The following MED12L variants were observed in gnomAD, a reference collection of about 807,000 sequenced individuals.
The protein encoded by MED12L is mediator complex subunit 12L, also known as mediator of RNA polymerase II transcription subunit 12-like protein.
A neutral mutation model predicts 281.3 loss-of-function variants in MED12L; 60 were observed. The observed-to-expected ratio is 0.21, with a 90% CI of 0.17 to 0.26. The LOEUF (loss-of-function observed/expected upper bound fraction) is 0.26, where lower values mean the gene tolerates loss of function less well. MED12L is among the 10% of genes least tolerant of loss of function. The pLI is 1.00. For missense variants in MED12L, 2,146 were observed against 2,680.9 expected (o/e 0.80, Z 4.41); for synonymous variants, 974 against 987.2 (o/e 0.99, Z 0.25).
At chr3:151,178,823 T>A (rs1168142019) in intron 11 of MED12L, among the ~76,000 whole-genome samples, 1 of 152,228 alleles carries the variant, frequency 6.6e-6, no homozygotes, top group South Asian at 2.1e-4. Context: ...TACTACTACC[T>A]GTAAATTTGG....
intron 2 of MED12L, among the ~76,000 whole-genome samples, chr3:151,113,079 A>T (rs981478051): frequency 6.6e-6 from 1 of 152,226 alleles, no homozygotes; most frequent in African/African-American, 2.4e-5. Flanking sequence ...TAGGTGATAA[A>T]TGCTATGGAT....
At position 151,140,321 on chromosome 3, in the gene MED12L, T is replaced by A. The variant is rs1477028710; in HGVS notation, c.556+12337T>A. On this transcript the variant is annotated intron_variant, in intron 5 of 44. Transcript: ENST00000687756. ...AAGTGTATGGTACAGCAGTATTAAC[T>A]CAATGCACATTGTTGTACAACTGAT... 3.3e-5 allele frequency among the ~76,000 whole-genome samples: 5 copies of A among 152,222 alleles called. No homozygotes were observed. The South Asian group carries it at 1.0e-3, about 32-fold the overall frequency.
chr3:151,413,621 A>AT (rs1409815344), intron 42 of MED12L, among the ~76,000 whole-genome samples: 3 of 152,260 alleles, frequency 2.0e-5, no homozygotes, highest in Admixed American at 6.5e-5. Flanking sequence ...AGCCATGCAA[A>AT]TTTTTTAAAA....
intron 35 of MED12L, 106 bp from the exon 36 acceptor site, chr3:151,384,924 A>G: frequency 9.5e-6 from 7 of 740,638 alleles, no homozygotes; most frequent in Non-Finnish European, 1.7e-5. Flanking sequence ...GCGCTAAGCT[A>G]TAAAAAGGGA....
At chr3:151,120,653 C>A (rs891526334) in intron 3 of MED12L, among the ~76,000 whole-genome samples, 1 of 152,106 alleles carries the variant, frequency 6.6e-6, no homozygotes, top group East Asian at 1.9e-4. Flanking sequence ...GTTTACTCAC[C>A]TGTATCCACA....
At chr3:151,234,855 T>C (rs1167638383) in intron 16 of MED12L, among the ~76,000 whole-genome samples, 1 of 152,212 alleles carries the variant, frequency 6.6e-6, no homozygotes, top group African/African-American at 2.4e-5. Flanking sequence ...ATCACTCTCC[T>C]GGTGGGTAGC....
intron 36 of MED12L, among the ~76,000 whole-genome samples, chr3:151,386,810 G>A (rs13078334): frequency 0.01 from 1,543 of 151,814 alleles, 8 homozygotes; most frequent in Non-Finnish European, 0.014. Context: ...TCCTGACCTC[G>A]TGATCCACCT....
rs1251284173 is a variant in MED12L, at chr3:151,360,671, A to G, written c.2957+66A>G. The G allele has an allele frequency of 4.2e-6, 6 of 1,415,946 alleles. No homozygotes were observed. The African/African-American group carries it at 4.3e-5, about 10-fold the overall frequency. The allele number at this position is 1,415,946 out of a possible 1,614,324, so 87.7% of individuals were successfully genotyped here. ...CCTATGTTTGTTAGTGACCCTGACA[A>G]TATTGTCATCCTTTTGAATAATGAA... On this transcript the variant is annotated intron_variant, in intron 21 of 44. Coordinates refer to ENST00000687756, the MANE Select transcript of MED12L (RefSeq NM_001393769.1).
rs1181900132 is a variant in MED12L at position 151,122,809 on chromosome 3, A to G, written c.231A>G (p.Leu77=). Residue 77 remains leucine (L), a synonymous_variant, in exon 4 of 45, where the codon TTA becomes TTG. Coordinates refer to ENST00000687756, the MANE Select transcript of MED12L (RefSeq NM_001393769.1). ...TTGGAGCTTATTTTAGCAGCATATT[A>G]GCTGAGAAACTGAAGCTTAACACTT... is the stretch of plus-strand genomic sequence containing the variant. ...SKIGAYFSSI[L]AEKLKLNTFQ... 8 of 1,606,292 alleles carry G rather than the reference A, an allele frequency of 5.0e-6. No homozygotes were observed. The highest frequency in any genetic ancestry group is 5.9e-6 in the Non-Finnish European group (7 of 1,176,870).
chr3:151,134,159 A>C (rs1352907860), intron 5 of MED12L, among the ~76,000 whole-genome samples: 2 of 150,740 alleles, frequency 1.3e-5, no homozygotes, highest in African/African-American at 4.9e-5. Context: ...CAGCCATGGG[A>C]ATGCCCCATC....
At chr3:151,153,649 A>C (rs9850762) in intron 5 of MED12L, among the ~76,000 whole-genome samples, 2 of 140,426 alleles carry the variant, frequency 1.4e-5, no homozygotes, top group African/African-American at 5.5e-5. Context: ...GCTCACTGCA[A>C]CCTCTGCCTC....
At chr3:151,422,430 C>T (rs563171776) in intron 43 of MED12L, among the ~76,000 whole-genome samples, 1 of 152,320 alleles carries the variant, frequency 6.6e-6, no homozygotes, top group East Asian at 1.9e-4. Flanking sequence ...TGGTGGCTCG[C>T]TGGGACTCTT....
chr3:151,205,186 A>G (rs536195337), intron 16 of MED12L, among the ~76,000 whole-genome samples: 28 of 152,320 alleles, frequency 1.8e-4, no homozygotes, highest in African/African-American at 6.5e-4. Context: ...TTGTGACTGT[A>G]CTTAGTGTTC....
In MED12L at chr3:151,269,092, A is replaced by G. The variant is rs146671952; in HGVS notation, c.2250+75426A>G. Among the ~76,000 whole-genome samples, 10 of 152,234 alleles carry G rather than the reference A, an allele frequency of 6.6e-5. No homozygotes were observed. The East Asian group carries it at 1.9e-3, about 29-fold the overall frequency. On this transcript the variant is annotated intron_variant, in intron 16 of 44. Transcript: ENST00000687756. ...AGGGAGAAAAAGAACAGAAAGAAGC[A>G]ATTGAATATATTGACGACGTACAAA...
At chr3:151,267,942 TGC>T (rs759386033) in intron 16 of MED12L, among the ~76,000 whole-genome samples, 14 of 152,306 alleles carry the variant, frequency 9.2e-5, no homozygotes, top group Non-Finnish European at 1.8e-4. Context: ...ACTTAAGAAA[TGC>T]GCTATTATCC....
intron 16 of MED12L, among the ~76,000 whole-genome samples, chr3:151,255,557 A>G (rs1234606990): frequency 6.6e-6 from 1 of 152,120 alleles, no homozygotes. Context: ...CTTTTCAGAC[A>G]TCTCTAACTG....
Position 151,122,824 on chromosome 3 carries a change from G to A in MED12L, c.246G>A (p.Lys82=), listed in dbSNP as rs373185203. The A allele has an allele frequency of 6.2e-7, 1 of 1,610,248 alleles. No homozygotes were observed. Among genetic ancestry groups the A allele is most frequent in the Non-Finnish European group, 8.5e-7 (1 of 1,178,400 alleles). ...YFSSILAEKL[K]LNTFQDTGKK... ...GCAGCATATTAGCTGAGAAACTGAA[G>A]CTTAACACTTTCCAGGACACGGGAA... The change falls in exon 4 of 45, where the codon AAG becomes AAA. Residue 82 remains lysine, a synonymous_variant. Transcript: ENST00000687756.
At chr3:151,294,221 T>G (rs957781655) in intron 16 of MED12L, 1 of 1,613,418 alleles carries the variant, frequency 6.2e-7, no homozygotes, top group Non-Finnish European at 8.5e-7. Flanking sequence ...TCTCACACTT[T>G]GCAGTGATCT....
rs1208854176 is a variant in MED12L at position 151,121,758 on chromosome 3, C to T, written c.205-1025C>T. 3.9e-5 allele frequency among the ~76,000 whole-genome samples: 6 copies of T among 152,092 alleles called. No homozygotes were observed. In the South Asian group the frequency reaches 1.2e-3, roughly 32 times the overall value. On this transcript the variant is annotated intron_variant, in intron 3 of 44. Coordinates refer to ENST00000687756, the MANE Select transcript of MED12L (RefSeq NM_001393769.1). ...TGAGATGGAGTCTCACTCTGTCATC[C>T]AGGCTGGAGTGCAGTGGTGTGATCT...
Sources: gnomAD v4.1 joint callset for allele counts (sites outside exome capture counted in the v4.1 genomes callset) on GRCh38, gnomAD v4.1.1 for gene constraint, MANE v1.5 for transcripts, NCBI Gene and HGNC (gene_info 2026-07-23, HGNC 2026-07-21) for gene names.